Variants in CHAF1A observed in about 807,000 individuals in gnomAD.
CHAF1A encodes CAF-1 subunit A.
Under a neutral mutation model 93.2 loss-of-function variants are expected in CHAF1A, and 5 were observed. That is an observed-to-expected ratio of 0.05 (90% CI 0.03 to 0.11). The LOEUF (loss-of-function observed/expected upper bound fraction) is 0.11, where lower values mean the gene tolerates loss of function less well. CHAF1A is among the 10% of genes least tolerant of loss of function. The pLI is 1.00. For missense variants in CHAF1A, 1,102 were observed against 1,259.9 expected (o/e 0.87, Z 1.90); for synonymous variants, 504 against 510.3 (o/e 0.99, Z 0.17).
rs377189990 is a variant in CHAF1A at position 4,433,618 on chromosome 19, C to T, written c.2673+79C>T. The T allele has an allele frequency of 3.9e-4, 437 of 1,126,242 alleles. 2 individuals are homozygous for T. The African/African-American group carries it at 4.8e-3, about 12-fold the overall frequency. 69.8% of individuals were successfully genotyped at this position (1,126,242 alleles called of 1,614,324 possible). A position where few individuals can be genotyped will look rare whatever the true frequency, so the allele number is the denominator to read the frequency against. Reference sequence around the variant, plus strand: ...GTTTTTTGTTGTTTTGTTTTTTTTTCGAGATGGAGTCCTGCTCTGTCACCC... The same window carrying T: ...GTTTTTTGTTGTTTTGTTTTTTTTTTGAGATGGAGTCCTGCTCTGTCACCC... On this transcript the variant is annotated intron_variant, in intron 13 of 14. Transcript: ENST00000301280. This position sits in a 1 kb window ranked among gnomAD's most constrained non-coding sequence, Gnocchi z 5.6.
chr19:4,442,726 G>A (rs776152989), intron 14 of CHAF1A, among the ~76,000 whole-genome samples, 199 bp from the exon 15 acceptor site: 36 of 152,342 alleles, frequency 2.4e-4, no homozygotes, highest in Admixed American at 5.9e-4. Flanking sequence ...GTGGGGGGCA[G>A]GCAGGGTCAA....
downstream of CHAF1A, chr19:4,446,323 C>T (rs774106518): frequency 1.6e-5 from 25 of 1,574,556 alleles, no homozygotes; most frequent in South Asian, 1.5e-4. Flanking sequence ...CGCGCAGCAG[C>T]GTGTAGTTGT....
At chr19:4,447,431 G>A (rs1221686548), downstream of CHAF1A, 1 of 1,100,692 alleles carries the variant, frequency 9.1e-7, no homozygotes, top group Non-Finnish European at 1.4e-6. Flanking sequence ...ACTGCTTGTG[G>A]CTCAACTCTC....
intron 13 of CHAF1A, among the ~76,000 whole-genome samples, chr19:4,434,311 A>G (rs891775493): frequency 2.0e-5 from 3 of 152,180 alleles, no homozygotes; most frequent in Non-Finnish European, 2.9e-5. Context: ...ATGCCACTGC[A>G]CTGCAACCTG....
chr19:4,445,480 G>A (rs1974487313), downstream of CHAF1A: 1 of 1,613,666 alleles, frequency 6.2e-7, no homozygotes, highest in African/African-American at 1.3e-5. Context: ...CAGGGCTGAG[G>A]CCAACCCTGC....
intron 7 of CHAF1A, among the ~76,000 whole-genome samples, chr19:4,426,716 C>T (rs998702870): frequency 6.6e-5 from 10 of 152,044 alleles, no homozygotes; most frequent in Admixed American, 1.3e-4. Context: ...TCAGGTGATC[C>T]GCCTACCTCG....
chr19:4,442,185 C>T, intron 13 of CHAF1A, 60 bp from the exon 14 acceptor site: 1 of 1,410,270 alleles, frequency 7.1e-7, no homozygotes. Context: ...CCCGCTACCG[C>T]ACTGGCACCA....
At chr19:4,448,335 AC>A, downstream of CHAF1A, 1 of 1,608,398 alleles carries the variant, frequency 6.2e-7, no homozygotes, top group African/African-American at 1.3e-5. Context: ...TGGTGTCCAC[AC>A]CCAGCTTCAC....
At chr19:4,430,455 G>A (rs1180965494) in intron 10 of CHAF1A, 94 bp from the exon 11 acceptor site, 4 of 796,808 alleles carry the variant, frequency 5.0e-6, no homozygotes, top group Non-Finnish European at 8.7e-6. Context: ...TGGGATTAGA[G>A]GTGTGAGCCA....
downstream of CHAF1A, chr19:4,448,539 C>T (rs377074858): frequency 7.3e-5 from 56 of 765,058 alleles, no homozygotes; most frequent in African/African-American, 5.7e-4. Context: ...CCCAGCTGTG[C>T]GCTCATCACA....
chr19:4,442,865 T>C (rs1974419711), intron 14 of CHAF1A, 60 bp from the exon 15 acceptor site: 1 of 1,308,866 alleles, frequency 7.6e-7, no homozygotes, highest in African/African-American at 1.5e-5. Context: ...GGGTGGGGTC[T>C]TCCCCCAGGG....
rs1973600859 is a variant in CHAF1A, at chr19:4,402,652, C to G, written c.-111C>G. 1 of 672,184 alleles carries G rather than the reference C, an allele frequency of 1.5e-6. No homozygotes were observed. Among genetic ancestry groups the G allele is most frequent in the Non-Finnish European group, 2.0e-6 (1 of 498,462 alleles). The allele number at this position is 672,184 out of a possible 1,614,324, so 41.6% of individuals were successfully genotyped here. The stretch of plus-strand genomic sequence containing the variant: ...CCGCGGTTCCCGCCAAATACGAGCG[C>G]GGCGGCCGCGGCGGCAGCAGCGGCG... On this transcript the variant is annotated 5_prime_UTR_variant, in exon 1 of 15. Transcript: ENST00000301280.
chr19:4,434,114 A>T (rs1974239420), intron 13 of CHAF1A, among the ~76,000 whole-genome samples: 1 of 151,942 alleles, frequency 6.6e-6, no homozygotes, highest in Non-Finnish European at 1.5e-5. Context: ...TGGGAGGCTG[A>T]GGCGGGAGGA....
downstream of CHAF1A, chr19:4,446,111 G>A (rs376078592): frequency 6.2e-7 from 1 of 1,612,650 alleles, no homozygotes; most frequent in Non-Finnish European, 8.5e-7. Context: ...CCCGAGGCCA[G>A]CAGCTCAAAA....
downstream of CHAF1A, chr19:4,446,184 A>C (rs1308590880): frequency 6.2e-7 from 1 of 1,605,690 alleles, no homozygotes; most frequent in Admixed American, 1.7e-5. Context: ...GCCGCTCCCG[A>C]GCGTAGAAAG....
downstream of CHAF1A, chr19:4,446,159 C>A (rs775713602): frequency 3.9e-5 from 62 of 1,609,874 alleles, no homozygotes; most frequent in South Asian, 6.3e-4. Flanking sequence ...CGGACGAACC[C>A]GTACACCGCC....
intron 3 of CHAF1A, among the ~76,000 whole-genome samples, chr19:4,417,266 C>T (rs146475295): frequency 6.6e-6 from 1 of 152,056 alleles, no homozygotes; most frequent in African/African-American, 2.4e-5. Flanking sequence ...CCACTGTGCC[C>T]GTCTGTGTCC....
rs747525642 is a variant in CHAF1A, at chr19:4,443,069, C to A, written c.*44C>A. ...TAGAATGCTTAGGGTGTCCTCCCCA[C>A]AGAGCAGATACTTGAACCGACTCAA... On this transcript the variant is annotated 3_prime_UTR_variant, in exon 15 of 15. Coordinates refer to ENST00000301280, the MANE Select transcript of CHAF1A (RefSeq NM_005483.3). The A allele has an allele frequency of 1.6e-6, 2 of 1,250,774 alleles. No homozygotes were observed. The highest frequency in any genetic ancestry group is 2.3e-6 in the Non-Finnish European group (2 of 870,550). The allele number at this position is 1,250,774 out of a possible 1,614,324, so 77.5% of individuals were successfully genotyped here.
At position 4,440,895 on chromosome 19, in the gene CHAF1A, G is replaced by A. The variant is rs926198925; in HGVS notation, c.2674-1350G>A. On this transcript the variant is annotated intron_variant, in intron 13 of 14. Coordinates refer to ENST00000301280, the MANE Select transcript of CHAF1A (RefSeq NM_005483.3). Reference sequence around the variant, plus strand: ...AGCACTTTGGGAGGCTGACGTGGGCGAATCCTGAGGTCAGGAGTTCGAGAC... The same window carrying A: ...AGCACTTTGGGAGGCTGACGTGGGCAAATCCTGAGGTCAGGAGTTCGAGAC... Among the ~76,000 whole-genome samples the A allele has an allele frequency of 3.3e-5, 5 of 151,792 alleles. No individual in the cohort carries two copies. In the South Asian group the frequency reaches 1.0e-3, roughly 32 times the overall value.
Sources: gnomAD v4.1 joint callset for allele counts (sites outside exome capture counted in the v4.1 genomes callset) on GRCh38, gnomAD v4.1.1 for gene constraint, Gnocchi (gnomAD v3.1) non-coding constraint, MANE v1.5 for transcripts, NCBI Gene and HGNC (gene_info 2026-07-23, HGNC 2026-07-21) for gene names.